The following TBC1D1 variants were observed in gnomAD, a reference collection of about 807,000 sequenced individuals.
The protein encoded by TBC1D1 is TBC1 (tre-2/USP6, BUB2, cdc16) domain family, member 1.
TBC1D1 carries 89 observed loss-of-function variants against 125.6 expected under a neutral mutation model. That is an observed-to-expected ratio of 0.71 (90% CI 0.60 to 0.85). The LOEUF (loss-of-function observed/expected upper bound fraction) is 0.85. TBC1D1 is among the 40% of genes least tolerant of loss of function. The pLI, the probability that TBC1D1 is intolerant of heterozygous loss-of-function variation, is 0.00. For synonymous variants in TBC1D1, 565 were observed against 564.1 expected, an observed-to-expected ratio of 1.00 and a Z score of -0.02; for missense variants, 1,377 against 1,469.2, an observed-to-expected ratio of 0.94 and a Z score of 1.03.
chr4:38,047,807 G>A (rs1051234407), intron 10 of TBC1D1, among the ~76,000 whole-genome samples: 1 of 152,170 alleles, frequency 6.6e-6, no homozygotes, highest in Admixed American at 6.5e-5. Flanking sequence ...CTAAATCTTG[G>A]TGTAGGAATT....
In TBC1D1 at chr4:38,020,643, G is replaced by A. The variant is rs1170948915; in HGVS notation, c.1025G>A (p.Gly342Asp). The A allele has an allele frequency of 6.2e-7, 1 of 1,613,282 alleles. No homozygotes were observed. The highest frequency in any genetic ancestry group is 8.5e-7 in the Non-Finnish European group (1 of 1,179,560). ...TTTATCTGTCGGGAGTCTTCCGGAG[G>A]TGGCGGCTTTCATTTTGTCTGTTAC... Residue 342 changes from glycine to aspartate, a missense_variant, in exon 5 of 20, where the codon GGT (glycine) becomes GAT (aspartate). Coordinates refer to ENST00000261439, the MANE Select transcript of TBC1D1 (RefSeq NM_015173.4).
intron 12 of TBC1D1, among the ~76,000 whole-genome samples, chr4:38,084,303 A>G (rs963334328): frequency 6.6e-6 from 1 of 152,234 alleles, no homozygotes; most frequent in African/African-American, 2.4e-5. Flanking sequence ...TGTAGGAAAT[A>G]ATCAGGTTCT....
rs116870157 is a variant in TBC1D1, at chr4:38,083,575, A to G, written c.2051-6357A>G. On this transcript the variant is annotated intron_variant, in intron 12 of 19. Coordinates refer to ENST00000261439, the MANE Select transcript of TBC1D1 (RefSeq NM_015173.4). ...ACTGTGTGCAGGCTTGTTTTTTTCCACACATTTACCTACTTAATGCTCACA... is the reference window on the plus strand; with the variant it reads ...ACTGTGTGCAGGCTTGTTTTTTTCCGCACATTTACCTACTTAATGCTCACA... Among the ~76,000 whole-genome samples, 186 of 152,264 alleles carry G rather than the reference A, an allele frequency of 1.2e-3. 4 individuals carry two copies. In the East Asian group the frequency reaches 0.03, roughly 24 times the overall value.
At chr4:37,938,107 G>T (rs990667629) in intron 2 of TBC1D1, among the ~76,000 whole-genome samples, 3 of 152,248 alleles carry the variant, frequency 2.0e-5, no homozygotes, top group Non-Finnish European at 2.9e-5. Context: ...CTTACTGGGT[G>T]CAGTGGTACA....
intron 12 of TBC1D1, among the ~76,000 whole-genome samples, chr4:38,068,408 C>T (rs1754108458): frequency 6.6e-6 from 1 of 152,126 alleles, no homozygotes; most frequent in Non-Finnish European, 1.5e-5. Flanking sequence ...GTTTTCTCCC[C>T]TCCTCACCAA....
intron 12 of TBC1D1, among the ~76,000 whole-genome samples, chr4:38,080,141 A>G (rs545359904): frequency 2.0e-5 from 3 of 152,342 alleles, no homozygotes; most frequent in South Asian, 2.1e-4. Flanking sequence ...CTCATGGTCT[A>G]GGTTCTGTCA....
At chr4:38,041,742 A>G (rs1748422023) in intron 8 of TBC1D1, among the ~76,000 whole-genome samples, 1 of 152,262 alleles carries the variant, frequency 6.6e-6, no homozygotes, top group Admixed American at 6.5e-5. Flanking sequence ...TTTCAACTAC[A>G]TATCTTTTAT....
intron 2 of TBC1D1, among the ~76,000 whole-genome samples, chr4:37,961,419 T>C (rs761194160): frequency 2.0e-5 from 3 of 152,114 alleles, no homozygotes; most frequent in Admixed American, 6.6e-5. Flanking sequence ...TAAAAAAAAA[T>C]AGGGAACATA....
chr4:38,037,780 C>T (rs538820005), intron 8 of TBC1D1, among the ~76,000 whole-genome samples: 3 of 152,234 alleles, frequency 2.0e-5, no homozygotes, highest in South Asian at 2.1e-4. Context: ...AGGCCATATG[C>T]GCTTTTCAAA....
intron 2 of TBC1D1, among the ~76,000 whole-genome samples, chr4:37,940,366 T>C (rs1207782634): frequency 6.6e-6 from 1 of 152,216 alleles, no homozygotes; most frequent in Non-Finnish European, 1.5e-5. Context: ...TTTTTGCGCA[T>C]TGATTTTGTA....
In TBC1D1 at chr4:38,024,276, G is replaced by T. The variant is rs565318221; in HGVS notation, c.1210+2558G>T. On this transcript the variant is annotated intron_variant, in intron 6 of 19. Coordinates refer to ENST00000261439, the MANE Select transcript of TBC1D1 (RefSeq NM_015173.4). ...AGGATCACTAACCCTTTCCTTAATG[G>T]TTGTCAAGATAAGGTAAATGATGAT... is the stretch of plus-strand genomic sequence containing the variant. Among the ~76,000 whole-genome samples the T allele has an allele frequency of 1.9e-4, 29 of 152,248 alleles. No homozygotes were observed. The South Asian group carries it at 4.8e-3, about 25-fold the overall frequency.
chr4:37,970,812 C>T (rs1362546298), intron 2 of TBC1D1, among the ~76,000 whole-genome samples: 3 of 152,212 alleles, frequency 2.0e-5, no homozygotes, highest in African/African-American at 7.2e-5. Flanking sequence ...TTCTGATTCA[C>T]TTGAAACCCA....
chr4:37,956,140 C>T (rs1728895058), intron 2 of TBC1D1, among the ~76,000 whole-genome samples: 1 of 151,960 alleles, frequency 6.6e-6, no homozygotes, highest in Non-Finnish European at 1.5e-5. Flanking sequence ...CATCCTCCCA[C>T]CTCAGCCTTC....
At chr4:37,957,480 A>T (rs1729152617) in intron 2 of TBC1D1, among the ~76,000 whole-genome samples, 1 of 152,102 alleles carries the variant, frequency 6.6e-6, no homozygotes, top group South Asian at 2.1e-4. Flanking sequence ...TTACCTGGGC[A>T]TGGGGGTGCG....
intron 2 of TBC1D1, among the ~76,000 whole-genome samples, chr4:37,924,289 C>T (rs1458457965): frequency 6.6e-6 from 1 of 152,164 alleles, no homozygotes; most frequent in African/African-American, 2.4e-5. Context: ...GTTGCCTATA[C>T]TTTGTTTGTA....
intron 15 of TBC1D1, among the ~76,000 whole-genome samples, chr4:38,109,310 T>C (rs1460707978): frequency 6.6e-6 from 1 of 152,194 alleles, no homozygotes; most frequent in Non-Finnish European, 1.5e-5. Context: ...CAGGATCACA[T>C]CGTGGGATCA....
intron 2 of TBC1D1, chr4:37,960,512 G>A (rs2290740): frequency 0.15 from 249,154 of 1,613,774 alleles, 21,566 homozygotes; most frequent in East Asian, 0.34. Context: ...TGCTGAAGCT[G>A]GAGTCTAGAC....
At chr4:37,896,557 A>G (rs1157335645) in intron 1 of TBC1D1, among the ~76,000 whole-genome samples, 1 of 152,132 alleles carries the variant, frequency 6.6e-6, no homozygotes, top group Non-Finnish European at 1.5e-5. Context: ...GATGGAAGAA[A>G]ACTTGGGGAT....
chr4:37,966,044 G>A (rs1163291406), intron 2 of TBC1D1, among the ~76,000 whole-genome samples: 1 of 152,110 alleles, frequency 6.6e-6, no homozygotes, highest in Non-Finnish European at 1.5e-5. Context: ...ATCGCCCCTG[G>A]CCATGGGCAT....
Sources: gnomAD v4.1 joint callset for allele counts (sites outside exome capture counted in the v4.1 genomes callset) on GRCh38, gnomAD v4.1.1 for gene constraint, MANE v1.5 for transcripts, NCBI Gene and HGNC (gene_info 2026-07-23, HGNC 2026-07-21) for gene names.